CNOT4: variants seen among roughly 807,000 people sequenced by gnomAD.
The protein encoded by CNOT4 is CCR4-associated factor 4.
CNOT4 carries 8 observed loss-of-function variants against 73.8 expected under a neutral mutation model. The ratio of observed to expected loss-of-function variants is 0.11; its 90% CI spans 0.06 to 0.20. CNOT4 has a LOEUF of 0.20. Among genes scored for constraint, CNOT4 ranks in the 10% least tolerant of loss-of-function variants. CNOT4 has a pLI of 1.00. For missense variants in CNOT4, 564 were observed against 883.4 expected (o/e 0.64, Z 4.58); for synonymous variants, 293 against 321.1 (o/e 0.91, Z 0.94).
At chr7:135,504,778 G>A (rs1185766820) in intron 1 of CNOT4, among the ~76,000 whole-genome samples, 2 of 74,440 alleles carry the variant, frequency 2.7e-5, no homozygotes, top group Non-Finnish European at 5.7e-5. Context: ...GAGCCACCGC[G>A]CCCGGCCCAT....
At chr7:135,413,828 A>G (rs1051269400) in intron 5 of CNOT4, among the ~76,000 whole-genome samples, 7 of 152,056 alleles carry the variant, frequency 4.6e-5, no homozygotes, top group Non-Finnish European at 8.8e-5. Context: ...ACATCTGTCT[A>G]TGGTTTCCAA....
intron 1 of CNOT4, among the ~76,000 whole-genome samples, chr7:135,499,234 G>T (rs1803801579): frequency 6.6e-6 from 1 of 152,120 alleles, no homozygotes; most frequent in African/African-American, 2.4e-5. Context: ...ATGCTAGTTT[G>T]ATTTGGAAAA....
At chr7:135,476,322 A>G (rs992806311) in intron 1 of CNOT4, among the ~76,000 whole-genome samples, 1 of 152,200 alleles carries the variant, frequency 6.6e-6, no homozygotes, top group Non-Finnish European at 1.5e-5. Context: ...TAATACACAC[A>G]ATCACACTGC....
intron 1 of CNOT4, among the ~76,000 whole-genome samples, chr7:135,498,319 T>C (rs889264173): frequency 1.3e-5 from 2 of 152,224 alleles, no homozygotes; most frequent in African/African-American, 2.4e-5. Flanking sequence ...GTTTAAATTA[T>C]AGAATTTAAT....
At chr7:135,419,441 G>A (rs950744562) in intron 3 of CNOT4, among the ~76,000 whole-genome samples, 3 of 152,040 alleles carry the variant, frequency 2.0e-5, no homozygotes, top group African/African-American at 7.2e-5. Context: ...GACAAATTAA[G>A]AGAATTTTAA....
intron 4 of CNOT4, among the ~76,000 whole-genome samples, chr7:135,414,869 T>A (rs1296505030): frequency 6.6e-6 from 1 of 152,038 alleles, no homozygotes; most frequent in Non-Finnish European, 1.5e-5. Context: ...TATCTGAAAA[T>A]ATTACAGATT....
intron 1 of CNOT4, among the ~76,000 whole-genome samples, chr7:135,479,241 G>A (rs900200054): frequency 5.4e-5 from 6 of 110,508 alleles, no homozygotes; most frequent in Non-Finnish European, 8.3e-5. Flanking sequence ...ATGGAGTCTC[G>A]CTCTGTCACC....
intron 1 of CNOT4, among the ~76,000 whole-genome samples, chr7:135,483,271 A>C (rs1336378015): frequency 6.6e-6 from 1 of 151,802 alleles, no homozygotes. Context: ...CCAGGAGGTC[A>C]AGGCTACAGT....
At chr7:135,464,398 C>T (rs1801093082) in intron 1 of CNOT4, among the ~76,000 whole-genome samples, 1 of 152,172 alleles carries the variant, frequency 6.6e-6, no homozygotes, top group South Asian at 2.1e-4. Context: ...ATGGATGGAG[C>T]TGGAGGCTAT....
At chr7:135,381,156 C>T (rs138408183) in intron 10 of CNOT4, among the ~76,000 whole-genome samples, 3 of 152,264 alleles carry the variant, frequency 2.0e-5, no homozygotes, top group East Asian at 3.9e-4. Context: ...AATTGGAACA[C>T]AGCAGGAATA....
chr7:135,427,540 T>C lies in CNOT4; in HGVS notation c.175-5187A>G, dbSNP rs114562224. Among the ~76,000 whole-genome samples the C allele has an allele frequency of 3.5e-3, 534 of 152,336 alleles. 4 individuals carry two copies. Among genetic ancestry groups the C allele is most frequent in the African/African-American group, 0.012 (505 of 41,584 alleles). ...CATGCCAGATATTCAGAAATCATGTTCCAAGTATTGATTCAGAATAATTTG... is the reference window on the plus strand; with the variant it reads ...CATGCCAGATATTCAGAAATCATGTCCCAAGTATTGATTCAGAATAATTTG... On this transcript the variant is annotated intron_variant, in intron 2 of 11. Coordinates refer to ENST00000541284, the MANE Select transcript of CNOT4 (RefSeq NM_001190850.2).
rs868478461 is a variant in CNOT4 at position 135,394,182 on chromosome 7, G to T, written c.1363C>A (p.His455Asn). 4 of 1,614,120 alleles carry T rather than the reference G, an allele frequency of 2.5e-6. No homozygotes were observed. In the African/African-American group the frequency reaches 5.3e-5, roughly 22 times the overall value. Residue 455 changes from histidine to asparagine, a missense_variant, in exon 10 of 12, where the codon CAT becomes AAT. By Grantham distance (68) the His-to-Asn change is moderately conservative (BLOSUM62 1). Coordinates refer to ENST00000541284, the MANE Select transcript of CNOT4 (RefSeq NM_001190850.2). ...TAKGPGSGFLHPAAATNANSL... is the reference protein window; with the variant it reads ...TAKGPGSGFLNPAAATNANSL... ...TTGGCATTTGTAGCTGCAGCAGGAT[G>T]CAGGAATCCAGAGCCTGGACCTTTG...
rs1802493007 is a variant in CNOT4, at chr7:135,483,146, G to T, written c.-93+26743C>A. ...GCCCTGGCATTTGAGACCAACCTGG[G>T]TAACATAGTGGAACCCCATCTCTAC... On this transcript the variant is annotated intron_variant, in intron 1 of 11. Transcript: ENST00000541284. Among the ~76,000 whole-genome samples the T allele has an allele frequency of 2.7e-5, 4 of 150,038 alleles. No homozygotes were observed. The Admixed American group carries it at 2.7e-4, about 10-fold the overall frequency.
chr7:135,364,152 C>G lies in CNOT4; in HGVS notation c.1628-86G>C. 1 of 961,430 alleles carries G rather than the reference C, an allele frequency of 1.0e-6. No homozygotes were observed. The highest frequency in any genetic ancestry group is 1.6e-5 in the South Asian group (1 of 61,210). 59.6% of individuals were successfully genotyped at this position (961,430 alleles called of 1,614,324 possible). On this transcript the variant is annotated intron_variant, in intron 10 of 11. Transcript: ENST00000541284. The surrounding 1 kb of genome is among the most constrained non-coding windows in gnomAD (Gnocchi z 4.3). ...CATATGTTGTTCTTTAGTGGTTAAG[C>G]GGGAGAAGAATTATTCTTTCTTTAT...
intron 2 of CNOT4, among the ~76,000 whole-genome samples, chr7:135,424,090 CAT>C (rs1458670308): frequency 1.6e-5 from 2 of 123,094 alleles, no homozygotes; most frequent in African/African-American, 6.2e-5. Context: ...CACACACACA[CAT>C]TTTTTATTAA....
chr7:135,393,537 AT>A (rs3841170), intron 10 of CNOT4, among the ~76,000 whole-genome samples: 3,486 of 152,152 alleles, frequency 0.023, 137 homozygotes, highest in East Asian at 0.13. Context: ...CATTAAAAAA[AT>A]TTTTTTTAAC....
intron 2 of CNOT4, among the ~76,000 whole-genome samples, chr7:135,432,800 G>C (rs1798922962): frequency 6.6e-6 from 1 of 152,188 alleles, no homozygotes; most frequent in African/African-American, 2.4e-5. Context: ...ACACTTAACA[G>C]TTGAGCAGAT....
intron 1 of CNOT4, among the ~76,000 whole-genome samples, chr7:135,488,887 G>A (rs929869424): frequency 7.2e-5 from 11 of 152,032 alleles, no homozygotes; most frequent in Admixed American, 6.6e-4. Context: ...TTATGCTTGT[G>A]TAGTACTACC....
intron 10 of CNOT4, among the ~76,000 whole-genome samples, chr7:135,381,305 G>A (rs1179649207): frequency 6.6e-6 from 1 of 152,128 alleles, no homozygotes; most frequent in Non-Finnish European, 1.5e-5. Flanking sequence ...TGCATATAGA[G>A]GGCTAGGCTT....
Sources: gnomAD v4.1 joint callset for allele counts (sites outside exome capture counted in the v4.1 genomes callset) on GRCh38, gnomAD v4.1.1 for gene constraint, Gnocchi (gnomAD v3.1) non-coding constraint, MANE v1.5 for transcripts, NCBI Gene and HGNC (gene_info 2026-07-23, HGNC 2026-07-21) for gene names.